The following BRF1 variants were observed in gnomAD, a reference collection of about 807,000 sequenced individuals.
The protein encoded by BRF1 is transcription factor IIIB 90 kDa subunit.
In BRF1, 59 loss-of-function variants were observed where a neutral mutation model predicts 81.7. The ratio of observed to expected loss-of-function variants is 0.72; its 90% CI spans 0.59 to 0.90. BRF1 has a LOEUF of 0.90. Ranked by LOEUF, BRF1 falls within the 40% of genes least tolerant of loss-of-function variation. The pLI, the probability that BRF1 is intolerant of heterozygous loss-of-function variation, is 0.00. For missense variants in BRF1, 1,050 were observed against 936.3 expected (o/e 1.12, Z -1.58); for synonymous variants, 491 against 395.6 (o/e 1.24, Z -2.86).
chr14:105,274,226 G>C (rs1329999039), intron 2 of BRF1, among the ~76,000 whole-genome samples: 1 of 152,090 alleles, frequency 6.6e-6, no homozygotes, highest in Non-Finnish European at 1.5e-5. Context: ...TTTTCTTGCT[G>C]ACCTTCTCCC....
rs1390813602 is a variant in BRF1, at chr14:105,212,120, G to A, written c.1817C>T (p.Thr606Met). 3.7e-5 allele frequency: 59 copies of A among 1,612,594 alleles called. No individual in the cohort carries two copies. Among genetic ancestry groups the A allele is most frequent in the African/African-American group, 5.3e-5 (4 of 74,912 alleles). The change falls in exon 16 of 18, where the codon ACG (threonine) becomes ATG (methionine). Residue 606 changes from threonine (T) to methionine (M), a missense_variant. By Grantham distance (81) the Thr-to-Met change is moderately conservative. This residue lies in a region of BRF1 where 1,043 missense variants were observed against 915.4 expected (regional missense o/e 1.14). Coordinates refer to ENST00000547530, the MANE Select transcript of BRF1 (RefSeq NM_001519.4). Reference sequence around the variant, plus strand: ...CTGCGTGGGACAACACACCTCTCCCGTGGCCACCTTCTTTGCTGGCTGCGT... The same window carrying A: ...CTGCGTGGGACAACACACCTCTCCCATGGCCACCTTCTTTGCTGGCTGCGT... ...VSTQPAKKVA[T>M]GEALLPSSPT...
Position 105,300,513 on chromosome 14 carries a change from G to C in BRF1, c.117C>G (p.Ser39=). 6.5e-7 allele frequency: 1 copy of C among 1,537,782 alleles called. No individual in the cohort carries two copies. Among genetic ancestry groups the C allele is most frequent in the Non-Finnish European group, 8.7e-7 (1 of 1,144,592 alleles). ...CGCTGCTCTCCACGAACTGCACCTC[G>C]GACACGATGATGTTGTCCTCCAGCA... is the stretch of plus-strand genomic sequence containing the variant. ...GSVLEDNIIV[S]EVQFVESSGG... is the part of the protein sequence containing the mutation. The change falls in exon 1 of 18, where the codon TCC becomes TCG. Residue 39 remains serine, a synonymous_variant. Transcript: ENST00000547530.
chr14:105,211,455 G>A (rs1890099911), intron 16 of BRF1, 162 bp from the exon 17 acceptor site: 1 of 626,948 alleles, frequency 1.6e-6, no homozygotes, highest in Admixed American at 3.3e-5. Flanking sequence ...GCCCCTTCTG[G>A]CCTCCTGGGG....
At chr14:105,214,880 C>T (rs1372695963) in intron 15 of BRF1, among the ~76,000 whole-genome samples, 1 of 152,152 alleles carries the variant, frequency 6.6e-6, no homozygotes, top group African/African-American at 2.4e-5. Flanking sequence ...ATCCCTTTTT[C>T]CTCACCCGAG....
At position 105,210,695 on chromosome 14, in the gene BRF1, G is replaced by T; in HGVS notation, c.1997-107C>A. The T allele has an allele frequency of 8.1e-7, 1 of 1,240,492 alleles. No homozygotes were observed. Among genetic ancestry groups the T allele is most frequent in the East Asian group, 2.6e-5 (1 of 39,204 alleles). 76.8% of individuals were successfully genotyped at this position (1,240,492 alleles called of 1,614,324 possible). A position where few individuals can be genotyped will look rare whatever the true frequency, so the allele number is the denominator to read the frequency against. On this transcript the variant is annotated intron_variant, in intron 17 of 17. Coordinates refer to ENST00000547530, the MANE Select transcript of BRF1 (RefSeq NM_001519.4). The surrounding 1 kb of genome is among the most constrained non-coding windows in gnomAD (Gnocchi z 4.7). ...GCCCCCCTAGAAGACTCAGGCTCCA[G>T]CCCCAGCCCCAGCCCCCCGCGCCCC...
intron 12 of BRF1, 128 bp downstream of exon 12, chr14:105,219,941 C>G: frequency 5.1e-6 from 5 of 974,884 alleles, no homozygotes; most frequent in Non-Finnish European, 7.7e-6. Context: ...AGGCCAGGAG[C>G]CCACTTCACC....
chr14:105,313,650 A>G (rs1319357511), intron 1 of BRF1, among the ~76,000 whole-genome samples: 1 of 152,272 alleles, frequency 6.6e-6, no homozygotes, highest in Non-Finnish European at 1.5e-5. Context: ...TGGGCCAGGA[A>G]AGAAACCAGC....
chr14:105,229,403 C>T (rs1033761978), intron 6 of BRF1, among the ~76,000 whole-genome samples: 16 of 152,236 alleles, frequency 1.1e-4, no homozygotes, highest in African/African-American at 3.6e-4. Flanking sequence ...CTGAATCCTG[C>T]AGCGCAGGGA....
At chr14:105,249,064 G>A (rs1304144660) in intron 5 of BRF1, 7 of 1,322,732 alleles carry the variant, frequency 5.3e-6, no homozygotes, top group South Asian at 2.1e-5. Context: ...TGGCGGTGCT[G>A]CCGCCCCACG....
chr14:105,300,314 C>T (rs2057951726), intron 1 of BRF1, 132 bp downstream of exon 1: 1 of 1,044,318 alleles, frequency 9.6e-7, no homozygotes, highest in East Asian at 3.2e-5. Context: ...CACTCGCGCC[C>T]AGACGGCGCA....
At chr14:105,250,554 A>G in intron 5 of BRF1, 5 of 1,614,076 alleles carry the variant, frequency 3.1e-6, no homozygotes, top group Non-Finnish European at 4.2e-6. Context: ...TTTGGGCAGG[A>G]GGGGATGACG....
chr14:105,275,531 C>T (rs1275558818), intron 2 of BRF1, among the ~76,000 whole-genome samples: 1 of 152,272 alleles, frequency 6.6e-6, no homozygotes, highest in African/African-American at 2.4e-5. Flanking sequence ...CAGAGGGAAA[C>T]AGAGTCAGCT....
intron 1 of BRF1, among the ~76,000 whole-genome samples, chr14:105,298,519 A>T (rs759213413): frequency 6.6e-6 from 1 of 152,232 alleles, no homozygotes; most frequent in Non-Finnish European, 1.5e-5. Context: ...ATAAACAATG[A>T]GCCTCAGCCT....
intron 1 of BRF1, among the ~76,000 whole-genome samples, chr14:105,312,926 G>C (rs1367414402): frequency 6.6e-6 from 1 of 152,128 alleles, no homozygotes; most frequent in Non-Finnish European, 1.5e-5. Flanking sequence ...AGACTGTGTG[G>C]GTCATATCCC....
intron 10 of BRF1, among the ~76,000 whole-genome samples, chr14:105,223,649 G>T (rs1240827755): frequency 3.9e-5 from 6 of 152,238 alleles, no homozygotes; most frequent in Non-Finnish European, 7.3e-5. Context: ...CAGGAGGGGG[G>T]GTGGTGACCA....
In BRF1 at chr14:105,210,176, G is replaced by A; in HGVS notation, c.*375C>T. 1 of 309,662 alleles carries A rather than the reference G, an allele frequency of 3.2e-6. No individual in the cohort carries two copies. Among genetic ancestry groups the A allele is most frequent in the Non-Finnish European group, 6.1e-6 (1 of 163,136 alleles). The allele number at this position is 309,662 out of a possible 1,614,324, so 19.2% of individuals were successfully genotyped here. ...GAGCTGGTCCTGAGTCACAGGGCCA[G>A]CACACTCAGCCCTCCACACACTTGG... On this transcript the variant is annotated 3_prime_UTR_variant, in exon 18 of 18. Coordinates refer to ENST00000547530, the MANE Select transcript of BRF1 (RefSeq NM_001519.4). The surrounding 1 kb of genome is among the most constrained non-coding windows in gnomAD (Gnocchi z 4.7).
At chr14:105,287,962 C>G (rs1283162128) in intron 1 of BRF1, among the ~76,000 whole-genome samples, 2 of 152,206 alleles carry the variant, frequency 1.3e-5, no homozygotes, top group African/African-American at 4.8e-5. Flanking sequence ...GGCCCAGAGC[C>G]GGCCTCCTGG....
At chr14:105,292,789 C>T (rs1279611003) in intron 1 of BRF1, among the ~76,000 whole-genome samples, 2 of 151,452 alleles carry the variant, frequency 1.3e-5, no homozygotes, top group Admixed American at 6.6e-5. Flanking sequence ...CCTTCCCATG[C>T]GCACACCCCT....
At chr14:105,275,945 GGGA>G (rs1463832396) in intron 2 of BRF1, among the ~76,000 whole-genome samples, 1 of 149,398 alleles carries the variant, frequency 6.7e-6, no homozygotes, top group African/African-American at 2.5e-5. Context: ...TAGAGAGCTG[GGGA>G]GGAGGCCACA....
Sources: allele counts gnomAD v4.1 joint callset (sites outside exome capture counted in the v4.1 genomes callset), GRCh38; gene constraint gnomAD v4.1.1; regional missense constraint gnomAD v4.1.1; non-coding constraint Gnocchi (gnomAD v3.1); transcripts MANE v1.5; gene names NCBI Gene and HGNC (gene_info 2026-07-23, HGNC 2026-07-21).